RAB10: variants seen among roughly 807,000 people sequenced by gnomAD.
The protein encoded by RAB10 is RAB10, member RAS oncogene family, also known as ras-related protein Rab-10.
A neutral mutation model predicts 25.7 loss-of-function variants in RAB10; 5 were observed. The observed-to-expected ratio is 0.19, with a 90% CI of 0.10 to 0.41. The LOEUF is 0.41. Among genes scored for constraint, RAB10 ranks in the 10% least tolerant of loss-of-function variants. The pLI is 1.00. For missense variants in RAB10, 103 were observed against 245.8 expected (o/e 0.42, Z 3.89); for synonymous variants, 89 against 86.4 (o/e 1.03, Z -0.16).
At chr2:26,033,366 C>T (rs1348519410), upstream of RAB10, among the ~76,000 whole-genome samples, 1 of 152,226 alleles carries the variant, frequency 6.6e-6, no homozygotes, top group East Asian at 1.9e-4. Flanking sequence ...TCTTCCTGCG[C>T]CCAGGTGTTC....
At chr2:26,042,508 C>T (rs529901069) in intron 1 of RAB10, among the ~76,000 whole-genome samples, 11 of 151,942 alleles carry the variant, frequency 7.2e-5, no homozygotes, top group South Asian at 6.3e-4. Flanking sequence ...TAGCTGGGTG[C>T]GGTGGTGTAC....
intron 3 of RAB10, among the ~76,000 whole-genome samples, chr2:26,117,980 C>CT (rs917442900): frequency 2.6e-4 from 39 of 151,410 alleles, no homozygotes; most frequent in Admixed American, 4.6e-4. Context: ...AAAAGATGTT[C>CT]TTTTTTTTTG....
At chr2:26,128,468 A>G (rs1285308629) in intron 5 of RAB10, among the ~76,000 whole-genome samples, 1 of 152,188 alleles carries the variant, frequency 6.6e-6, no homozygotes, top group Admixed American at 6.5e-5. Context: ...GTCAGTGGTA[A>G]CCATTAATAT....
chr2:26,111,892 C>T (rs1667580460), intron 3 of RAB10, among the ~76,000 whole-genome samples: 1 of 152,192 alleles, frequency 6.6e-6, no homozygotes, highest in South Asian at 2.1e-4. Context: ...AGTCCTGGGT[C>T]CCCAGGCTTA....
intron 1 of RAB10, among the ~76,000 whole-genome samples, chr2:26,063,115 CAA>C (rs5829994): frequency 3.5e-5 from 5 of 141,518 alleles, no homozygotes; most frequent in Admixed American, 7.1e-5. Flanking sequence ...AACTCCATCT[CAA>C]AAAAAAAAAA....
At chr2:26,057,160 G>A (rs13395488) in intron 1 of RAB10, among the ~76,000 whole-genome samples, 5,200 of 152,264 alleles carry the variant, frequency 0.034, 295 homozygotes, top group African/African-American at 0.12. Context: ...AACGTGTCCA[G>A]TAGACATTTG....
chr2:26,092,681 C>T (rs2149278111), intron 1 of RAB10, among the ~76,000 whole-genome samples: 1 of 152,190 alleles, frequency 6.6e-6, no homozygotes, highest in African/African-American at 2.4e-5. Context: ...TTAGCGCTTT[C>T]AGATTGTATC....
intron 1 of RAB10, among the ~76,000 whole-genome samples, chr2:26,044,928 A>T (rs180965496): frequency 7.2e-5 from 11 of 152,258 alleles, no homozygotes; most frequent in African/African-American, 2.4e-4. Context: ...TGTTAAAAAA[A>T]ATCAGTGATA....
intron 1 of RAB10, 130 bp from the exon 2 acceptor site, chr2:26,098,532 A>G (rs1667276963): frequency 2.9e-6 from 2 of 689,348 alleles, no homozygotes; most frequent in Non-Finnish European, 5.0e-6. Flanking sequence ...AGTGTTGCAT[A>G]CTTGGTGAAT....
At chr2:26,080,815 G>A (rs993808802) in intron 1 of RAB10, among the ~76,000 whole-genome samples, 4 of 152,124 alleles carry the variant, frequency 2.6e-5, no homozygotes, top group Non-Finnish European at 5.9e-5. Flanking sequence ...TTACCAAGTG[G>A]AAGACAGTAA....
chr2:26,064,716 A>T (rs1382108727), intron 1 of RAB10, among the ~76,000 whole-genome samples: 1 of 152,178 alleles, frequency 6.6e-6, no homozygotes, highest in African/African-American at 2.4e-5. Flanking sequence ...TCAACAAATT[A>T]TGTAATCATT....
At chr2:26,099,982 C>T (rs992874416) in intron 2 of RAB10, among the ~76,000 whole-genome samples, 3 of 152,126 alleles carry the variant, frequency 2.0e-5, no homozygotes, top group Non-Finnish European at 2.9e-5. Flanking sequence ...TGTCCTGGGT[C>T]CTACCCGGAC....
intron 3 of RAB10, among the ~76,000 whole-genome samples, chr2:26,117,702 A>G (rs1667723086): frequency 6.6e-6 from 1 of 152,190 alleles, no homozygotes; most frequent in Non-Finnish European, 1.5e-5. Context: ...TACCTAACTA[A>G]CATAGCCTGG....
chr2:26,045,226 A>T (rs1665973642), intron 1 of RAB10, among the ~76,000 whole-genome samples: 1 of 130,554 alleles, frequency 7.7e-6, no homozygotes, highest in Non-Finnish European at 1.6e-5. Flanking sequence ...AAATACTGGC[A>T]ATCTCTTTCA....
chr2:26,076,932 G>A (rs1205973122), intron 1 of RAB10, among the ~76,000 whole-genome samples: 4 of 143,462 alleles, frequency 2.8e-5, no homozygotes, highest in African/African-American at 5.3e-5. Flanking sequence ...GGACAAGAGC[G>A]AGGAAAAAAA....
At position 26,090,502 on chromosome 2, in the gene RAB10, C is replaced by CTTT. The variant is rs35732202; in HGVS notation, c.128-8152_128-8150dup. 3.5e-4 allele frequency among the ~76,000 whole-genome samples: 50 copies of CTTT among 143,570 alleles called. 1 individual carries two copies. The highest frequency in any genetic ancestry group is 2.8e-3 in the Admixed American group (41 of 14,566). 94.2% of individuals were successfully genotyped at this position (143,570 alleles called of 152,430 possible). On this transcript the variant is annotated intron_variant, in intron 1 of 5. Transcript: ENST00000264710. ...GATTCTTTTAGTTCTGTTTTCTTGC[C>CTTT]TTTTTTTTTTATTATTTTCTATATG...
At chr2:26,058,391 G>C (rs1389618032) in intron 1 of RAB10, among the ~76,000 whole-genome samples, 1 of 151,922 alleles carries the variant, frequency 6.6e-6, no homozygotes, top group Non-Finnish European at 1.5e-5. Context: ...AACATGTAAG[G>C]CTCCGTGTCC....
At position 26,061,092 on chromosome 2, in the gene RAB10, C is replaced by CTTTTTTTTTTTTTTTTTTTTT. The variant is rs5829993; in HGVS notation, c.127+26362_127+26382dup. Among the ~76,000 whole-genome samples, 99 of 83,622 alleles carry CTTTTTTTTTTTTTTTTTTTTT rather than the reference C, an allele frequency of 1.2e-3. 1 individual carries two copies. The highest frequency in any genetic ancestry group is 0.01 in the Middle Eastern group (1 of 96). 54.9% of individuals were successfully genotyped at this position (83,622 alleles called of 152,430 possible). On this transcript the variant is annotated intron_variant, in intron 1 of 5. Coordinates refer to ENST00000264710, the MANE Select transcript of RAB10 (RefSeq NM_016131.5). ...AATTTTTTTTTCCATTTATCTCTGT[C>CTTTTTTTTTTTTTTTTTTTTT]TTTTTTTTTTTTTTTTTTTTTTTTT...
intron 3 of RAB10, among the ~76,000 whole-genome samples, chr2:26,114,051 C>G (rs1186811311): frequency 6.6e-6 from 1 of 151,952 alleles, no homozygotes; most frequent in East Asian, 1.9e-4. Context: ...AAGACTTGAA[C>G]ACAGAAAACC....
Sources: allele counts gnomAD v4.1 joint callset (sites outside exome capture counted in the v4.1 genomes callset), GRCh38; gene constraint gnomAD v4.1.1; transcripts MANE v1.5; gene names NCBI Gene and HGNC (gene_info 2026-07-23, HGNC 2026-07-21).